Variants in PLA2G4D observed in about 807,000 individuals in gnomAD.
The protein encoded by PLA2G4D is cytosolic phospholipase A2 delta.
PLA2G4D carries 80 observed loss-of-function variants against 94.4 expected under a neutral mutation model. The ratio of observed to expected loss-of-function variants is 0.85; its 90% confidence interval spans 0.71 to 1.02. PLA2G4D has a LOEUF of 1.02. Among genes scored for constraint, PLA2G4D ranks in the 50% least tolerant of loss-of-function variants. The pLI, the probability that PLA2G4D is intolerant of heterozygous loss-of-function variation, is 0.00. For synonymous variants in PLA2G4D, 438 were observed against 440.9 expected (o/e 0.99, Z 0.08); for missense variants, 1,050 against 1,034.7 (o/e 1.01, Z -0.20).
At chr15:42,074,778 T>C (rs1889886583) in intron 13 of PLA2G4D, among the ~76,000 whole-genome samples, 1 of 152,114 alleles carries the variant, frequency 6.6e-6, no homozygotes. Context: ...CTTTAAAAAA[T>C]TAGAAATTGA....
rs904105369 is a variant in PLA2G4D, at chr15:42,083,943, C to G, written c.472-164G>C. 27 of 651,050 alleles carry G rather than the reference C, an allele frequency of 4.1e-5. No individual in the cohort carries two copies. The African/African-American group carries it at 4.2e-4, about 10-fold the overall frequency. 40.3% of individuals were successfully genotyped at this position (651,050 alleles called of 1,614,324 possible). ...GAGGCCCTTCATCCCATTGCCGATCCTCTGCCGCGGCTGAACCTGATATTC... is the reference window on the plus strand; with the variant it reads ...GAGGCCCTTCATCCCATTGCCGATCGTCTGCCGCGGCTGAACCTGATATTC... On this transcript the variant is annotated intron_variant, in intron 6 of 19. Transcript: ENST00000290472.
rs1889719669 is a variant in PLA2G4D at position 42,068,060 on chromosome 15, G to T, written c.*655C>A. The T allele has an allele frequency of 6.6e-6, 1 of 152,248 alleles. No individual in the cohort carries two copies. The allele number at this position is 152,248 out of a possible 1,614,324, so 9.4% of individuals were successfully genotyped here. A position where few individuals can be genotyped will look rare whatever the true frequency, so the allele number is the denominator to read the frequency against. On this transcript the variant is annotated 3_prime_UTR_variant, in exon 20 of 20. Transcript: ENST00000290472. ...AGAAAATTCTAAGAAATCCGCAAAA[G>T]TATTAGAGCCGGTAAACAACTTCAG...
chr15:42,088,011 G>T (rs1055034941), intron 1 of PLA2G4D, among the ~76,000 whole-genome samples: 4 of 152,212 alleles, frequency 2.6e-5, no homozygotes, highest in Non-Finnish European at 4.4e-5. Flanking sequence ...GGGCCAAGGA[G>T]TGGCAACCAC....
chr15:42,071,262 C>T lies in PLA2G4D; in HGVS notation c.1737G>A (p.Leu579=), dbSNP rs893768684. ...GTSSRLEASW[L]QPGTALAQAF... ...CCTGGGCCAGCGCCGTGCCTGGCTG[C>T]AGCCACGAGGCCTCCAGCCGCGAGG... is the stretch of plus-strand genomic sequence containing the variant. Residue 579 remains leucine (L), a synonymous_variant, in exon 17 of 20, where the codon CTG becomes CTA. Coordinates refer to ENST00000290472, the MANE Select transcript of PLA2G4D (RefSeq NM_178034.4). 6 of 1,606,638 alleles carry T rather than the reference C, an allele frequency of 3.7e-6. No homozygotes were observed. The African/African-American group carries it at 6.7e-5, about 18-fold the overall frequency.
intron 1 of PLA2G4D, among the ~76,000 whole-genome samples, chr15:42,090,092 C>T (rs912710260): frequency 1.3e-5 from 2 of 152,170 alleles, no homozygotes; most frequent in African/African-American, 4.8e-5. Context: ...GACTCTGGAG[C>T]CAGGTTGTCT....
chr15:42,069,004 C>T lies in PLA2G4D; in HGVS notation c.2231-63G>A, dbSNP rs1481247121. ...CGGGGCTTCTACAGCCTGGCAGCGG[C>T]GCACAGGGAGGGCTGCCCCCGCTGG... On this transcript the variant is annotated intron_variant, in intron 19 of 19. Coordinates refer to ENST00000290472, the MANE Select transcript of PLA2G4D (RefSeq NM_178034.4). 2.7e-5 allele frequency: 39 copies of T among 1,456,378 alleles called. No individual in the cohort carries two copies. The Middle Eastern group carries it at 7.0e-4, about 26-fold the overall frequency. 90.2% of individuals were successfully genotyped at this position (1,456,378 alleles called of 1,614,324 possible).
chr15:42,083,657 C>G, intron 7 of PLA2G4D, 59 bp downstream of exon 7: 1 of 1,597,712 alleles, frequency 6.3e-7, no homozygotes, highest in Non-Finnish European at 8.6e-7. Context: ...GGCTTCCCAG[C>G]AATCCTCCTC....
At position 42,071,752 on chromosome 15, in the gene PLA2G4D, C is replaced by T. The variant is rs764820167; in HGVS notation, c.1573+22G>A. On this transcript the variant is annotated intron_variant, in intron 15 of 19. Coordinates refer to ENST00000290472, the MANE Select transcript of PLA2G4D (RefSeq NM_178034.4). ...ACACCTGGCCCAGGGCTGCCCAGGG[C>T]CTTCAGAGCCACCACCCTCACCTTC... The T allele has an allele frequency of 3.1e-6, 5 of 1,612,432 alleles. No individual in the cohort carries two copies. The Admixed American group carries it at 8.4e-5, about 27-fold the overall frequency.
rs1890115421 is a variant in PLA2G4D, at chr15:42,085,102, G to T, written c.465C>A (p.Val155=). 1 of 1,614,050 alleles carries T rather than the reference G, an allele frequency of 6.2e-7. No individual in the cohort carries two copies. Among genetic ancestry groups the T allele is most frequent in the Non-Finnish European group, 8.5e-7 (1 of 1,180,038 alleles). Residue 155 remains valine (V), a synonymous_variant, in exon 6 of 20, where the codon GTC becomes GTA. Transcript: ENST00000290472. Reference sequence around the variant, plus strand: ...GCCTGGGGAAGGTGCTTACCACAATGACTTTGTTGGTGATGAGGTTTTCTG... The same window carrying T: ...GCCTGGGGAAGGTGCTTACCACAATTACTTTGTTGGTGATGAGGTTTTCTG... ...DRPENLITNK[V]IVARELSCLD...
chr15:42,083,723 C>A lies in PLA2G4D; in HGVS notation c.528G>T (p.Val176=). 1 of 1,614,084 alleles carries A rather than the reference C, an allele frequency of 6.2e-7. No homozygotes were observed. ...VHLDSTGSTA[V]VADQDKLELE... ...GTTCTAAGCTGGTCTCACCTGCAAC[C>A]ACAGCGGTGCTCCCTGTGCTGTCCA... Residue 176 remains valine (V), a synonymous_variant, in exon 7 of 20, where the codon GTG becomes GTT. Coordinates refer to ENST00000290472, the MANE Select transcript of PLA2G4D (RefSeq NM_178034.4).
chr15:42,082,192 A>G (rs1890051058), intron 9 of PLA2G4D, 87 bp downstream of exon 9: 1 of 1,196,884 alleles, frequency 8.4e-7, no homozygotes, highest in Admixed American at 2.0e-5. Flanking sequence ...TTGGCCTCCC[A>G]AAGTGCTGGG....
At chr15:42,072,458 G>C (rs941171510) in intron 13 of PLA2G4D, 66 bp from the exon 14 acceptor site, 1 of 1,288,164 alleles carries the variant, frequency 7.8e-7, no homozygotes, top group African/African-American at 1.5e-5. Flanking sequence ...GGCTCCGCCA[G>C]GACAGGGGCA....
chr15:42,083,872 C>CCA lies in PLA2G4D; in HGVS notation c.472-95_472-94dup. 4 of 1,273,982 alleles carry CCA rather than the reference C, an allele frequency of 3.1e-6. No homozygotes were observed. The South Asian group carries it at 3.7e-5, about 12-fold the overall frequency. The allele number at this position is 1,273,982 out of a possible 1,614,324, so 78.9% of individuals were successfully genotyped here. On this transcript the variant is annotated intron_variant, in intron 6 of 19. Coordinates refer to ENST00000290472, the MANE Select transcript of PLA2G4D (RefSeq NM_178034.4). ...TCTGAGACCCACTGTCCCAAATCCA[C>CCA]CACACACACAAGGAGTTGTGTGGGC...
At chr15:42,082,166 A>G (rs914804417) in intron 9 of PLA2G4D, 113 bp downstream of exon 9, 24 of 897,578 alleles carry the variant, frequency 2.7e-5, no homozygotes, top group Non-Finnish European at 3.8e-5. Context: ...TCCTGACTTC[A>G]GGTGATCCGC....
Position 42,068,756 on chromosome 15 carries a change from G to A in PLA2G4D, c.2416C>T (p.His806Tyr), listed in dbSNP as rs1299673157. 1 of 1,611,830 alleles carries A rather than the reference G, an allele frequency of 6.2e-7. No individual in the cohort carries two copies. The highest frequency in any genetic ancestry group is 1.3e-5 in the African/African-American group (1 of 74,924). ...GGAGGCCTCGCCTCTAGAGTCCGGT[G>A]CTTCAGCGCGGTCCTCAGGGCCTGC... Reference protein sequence around the residue: ...ILQALRTALKHRTLEARPPRA... With the variant: ...ILQALRTALKYRTLEARPPRA... Residue 806 changes from histidine to tyrosine, a missense_variant, in exon 20 of 20, where the codon CAC becomes TAC. Physicochemically the swap from His to Tyr is moderately conservative, Grantham distance 83 (BLOSUM62 2). Coordinates refer to ENST00000290472, the MANE Select transcript of PLA2G4D (RefSeq NM_178034.4).
chr15:42,075,770 G>A (rs951939382), intron 13 of PLA2G4D, among the ~76,000 whole-genome samples: 3 of 152,020 alleles, frequency 2.0e-5, no homozygotes, highest in Non-Finnish European at 4.4e-5. Context: ...GCCTGTAGTC[G>A]CAGGTATGCG....
intron 13 of PLA2G4D, among the ~76,000 whole-genome samples, chr15:42,078,946 G>T (rs548633559): frequency 1.4e-4 from 21 of 152,178 alleles, no homozygotes. Context: ...AAAAATGTAT[G>T]TTTAGTTTTG....
chr15:42,079,045 C>CAGAACTTAGTTCTTAAG (rs1889981429), intron 13 of PLA2G4D, among the ~76,000 whole-genome samples: 8 of 152,154 alleles, frequency 5.3e-5, no homozygotes, highest in African/African-American at 1.9e-4. Flanking sequence ...TTCAGAACAG[C>CAGAACTTAGTTCTTAAG]TCTATGACTT....
At chr15:42,073,371 G>C (rs1464696766) in intron 13 of PLA2G4D, among the ~76,000 whole-genome samples, 1 of 152,158 alleles carries the variant, frequency 6.6e-6, no homozygotes, top group East Asian at 1.9e-4. Flanking sequence ...GAATTGTAAG[G>C]GAACAGAAAG....
Sources: allele counts gnomAD v4.1 joint callset (sites outside exome capture counted in the v4.1 genomes callset), GRCh38; gene constraint gnomAD v4.1.1; transcripts MANE v1.5; gene names NCBI Gene and HGNC (gene_info 2026-07-23, HGNC 2026-07-21).